Variants in PRKACB observed in about 807,000 individuals in gnomAD.
The protein encoded by PRKACB is cAMP-dependent protein kinase catalytic subunit beta.
In PRKACB, 16 loss-of-function variants were observed where a neutral mutation model predicts 51.4. The ratio of observed to expected loss-of-function variants is 0.31; its 90% CI spans 0.21 to 0.47. The LOEUF (loss-of-function observed/expected upper bound fraction) is 0.47, where lower values mean the gene tolerates loss of function less well. Among genes scored for constraint, PRKACB ranks in the 20% least tolerant of loss-of-function variants. PRKACB has a pLI of 1.00. For missense variants in PRKACB, 309 were observed against 464.5 expected, an observed-to-expected ratio of 0.67 and a Z score of 3.08; for synonymous variants, 147 against 154.4, an observed-to-expected ratio of 0.95 and a Z score of 0.35.
At chr1:84,217,939 C>G (rs1001628271) in intron 9 of PRKACB, among the ~76,000 whole-genome samples, 4 of 152,042 alleles carry the variant, frequency 2.6e-5, no homozygotes, top group Non-Finnish European at 5.9e-5. Flanking sequence ...TCTTATTTGG[C>G]CTCTTATTTG....
intron 1 of PRKACB, among the ~76,000 whole-genome samples, chr1:84,080,260 C>G (rs1488565102): frequency 6.6e-6 from 1 of 152,136 alleles, no homozygotes; most frequent in Non-Finnish European, 1.5e-5. Flanking sequence ...AAACAATTCT[C>G]CCTTAGTATT....
At chr1:84,125,557 T>A (rs1455400704) in intron 1 of PRKACB, among the ~76,000 whole-genome samples, 1 of 152,160 alleles carries the variant, frequency 6.6e-6, no homozygotes, top group Non-Finnish European at 1.5e-5. Context: ...GCATTCTGCT[T>A]ATCAGAAATC....
chr1:84,211,482 G>C (rs188522546), intron 8 of PRKACB, among the ~76,000 whole-genome samples: 2 of 152,240 alleles, frequency 1.3e-5, no homozygotes, highest in East Asian at 3.9e-4. Flanking sequence ...AAAGTAGACA[G>C]TGTGCCTTTT....
intron 5 of PRKACB, among the ~76,000 whole-genome samples, chr1:84,186,915 T>G (rs974245509): frequency 3.3e-5 from 5 of 152,164 alleles, no homozygotes; most frequent in African/African-American, 1.2e-4. Context: ...CATCTTTAAG[T>G]GTTGGGCTAA....
At chr1:84,175,162 A>G (rs1308272518) in intron 1 of PRKACB, 1 of 1,050,552 alleles carries the variant, frequency 9.5e-7, no homozygotes, top group Non-Finnish European at 1.2e-6. Flanking sequence ...TAAGTATATC[A>G]AGTTAATGAA....
intron 1 of PRKACB, among the ~76,000 whole-genome samples, chr1:84,172,661 T>C (rs963620129): frequency 8.6e-5 from 13 of 151,738 alleles, no homozygotes; most frequent in Middle Eastern, 6.8e-3. Flanking sequence ...TAAAAGTGTT[T>C]ATATTTTTCC....
intron 5 of PRKACB, among the ~76,000 whole-genome samples, chr1:84,185,487 T>C (rs1437595868): frequency 6.6e-6 from 1 of 151,800 alleles, no homozygotes; most frequent in South Asian, 2.1e-4. Context: ...AATATCAATA[T>C]TTATTAAACA....
chr1:84,081,886 C>T (rs375092114), intron 1 of PRKACB, among the ~76,000 whole-genome samples: 1 of 152,158 alleles, frequency 6.6e-6, no homozygotes, highest in African/African-American at 2.4e-5. Context: ...CTAGTGTTCG[C>T]ATATGATCTT....
intron 1 of PRKACB, among the ~76,000 whole-genome samples, chr1:84,117,099 T>C (rs1650696340): frequency 6.6e-6 from 1 of 152,100 alleles, no homozygotes; most frequent in Non-Finnish European, 1.5e-5. Context: ...GTTGATGTGG[T>C]GCATCCCATT....
chr1:84,204,588 C>T (rs1245124456), intron 8 of PRKACB: 20 of 1,412,648 alleles, frequency 1.4e-5, no homozygotes, highest in Middle Eastern at 2.3e-4. Context: ...GACTAAAGGT[C>T]ATATGAAGAA....
rs752935974 is a variant in PRKACB, at chr1:84,202,767, C to A, written c.868C>A (p.Gln290Lys). ...AAGYPPFFAD[Q>K]PIQIYEKIVS... is the part of the protein sequence containing the mutation. ...TGGCTATCCCCCATTCTTTGCAGAC[C>A]AACCAATTCAGATTTATGAAAAGAT... The change falls in exon 8 of 10, where the codon CAA becomes AAA. Residue 290 changes from glutamine to lysine, a missense_variant. Gln to Lys is a moderately conservative substitution (Grantham distance 53). This residue lies in a region of PRKACB where 96 missense variants were observed against 129.9 expected (regional missense o/e 0.74). Transcript: ENST00000370685. The A allele has an allele frequency of 3.1e-6, 5 of 1,608,124 alleles. No individual in the cohort carries two copies. The Admixed American group carries it at 5.0e-5, about 16-fold the overall frequency.
intron 9 of PRKACB, among the ~76,000 whole-genome samples, chr1:84,221,326 TTC>T (rs752310384): frequency 4.6e-5 from 7 of 152,048 alleles, no homozygotes; most frequent in Non-Finnish European, 8.8e-5. Context: ...AACTTGGATC[TTC>T]TCTCTTTTTT....
At chr1:84,194,824 G>A (rs1423175522) in intron 5 of PRKACB, among the ~76,000 whole-genome samples, 1 of 152,006 alleles carries the variant, frequency 6.6e-6, no homozygotes, top group Non-Finnish European at 1.5e-5. Context: ...TGTAGTCCCA[G>A]CTACTCGGTA....
chr1:84,197,217 G>T lies in PRKACB; in HGVS notation c.687+475G>T, dbSNP rs1340935519. ...TGCCCTTTACGACTACAATATAACTGCCAAAGAATCCCTGACTACCAATAC... is the reference window on the plus strand; with the variant it reads ...TGCCCTTTACGACTACAATATAACTTCCAAAGAATCCCTGACTACCAATAC... On this transcript the variant is annotated intron_variant, in intron 6 of 9. Coordinates refer to ENST00000370685, the MANE Select transcript of PRKACB (RefSeq NM_182948.4). Among the ~76,000 whole-genome samples the T allele has an allele frequency of 2.0e-5, 3 of 152,054 alleles. No individual in the cohort carries two copies. In the East Asian group the frequency reaches 5.8e-4, roughly 29 times the overall value.
intron 3 of PRKACB, among the ~76,000 whole-genome samples, chr1:84,183,521 A>C (rs1009164457): frequency 1.3e-5 from 2 of 151,692 alleles, no homozygotes; most frequent in Admixed American, 6.6e-5. Flanking sequence ...ACTATTTTTC[A>C]GTTATGGACT....
upstream of PRKACB, among the ~76,000 whole-genome samples, chr1:84,140,994 C>T (rs540288268): frequency 3.9e-5 from 6 of 152,104 alleles, no homozygotes; most frequent in African/African-American, 1.4e-4. Flanking sequence ...GAGTAAATCA[C>T]TTTATATGTG....
chr1:84,144,231 G>T, upstream of PRKACB: 1 of 1,459,976 alleles, frequency 6.8e-7, no homozygotes. Flanking sequence ...AAACAGAACA[G>T]CAGTAGTGGT....
At position 84,154,830 on chromosome 1, in the gene PRKACB, T is replaced by C. The variant is rs1039992499; in HGVS notation, c.187+10282T>C. On this transcript the variant is annotated intron_variant, in intron 1 of 9. Transcript: ENST00000370685. ...GATGCAGAGAAAGCATTTGAGAAAC[T>C]TTAACATTCTTTTATGATGGAAACT... 2.0e-5 allele frequency among the ~76,000 whole-genome samples: 3 copies of C among 152,252 alleles called. No homozygotes were observed. In the East Asian group the frequency reaches 5.8e-4, roughly 29 times the overall value.
chr1:84,183,773 T>TAATTG (rs1664282379), intron 3 of PRKACB, among the ~76,000 whole-genome samples: 1 of 151,882 alleles, frequency 6.6e-6, no homozygotes, highest in African/African-American at 2.4e-5. Flanking sequence ...TCTCACTTCT[T>TAATTG]AATTGAAACC....
Sources: allele counts gnomAD v4.1 joint callset (sites outside exome capture counted in the v4.1 genomes callset), GRCh38; gene constraint gnomAD v4.1.1; regional missense constraint gnomAD v4.1.1; transcripts MANE v1.5; gene names NCBI Gene and HGNC (gene_info 2026-07-23, HGNC 2026-07-21).